PRKG1: variants seen among roughly 807,000 people sequenced by gnomAD.
The protein encoded by PRKG1 is cGMP-dependent protein kinase 1.
A neutral mutation model predicts 88.1 loss-of-function variants in PRKG1; 35 were observed. That is an observed-to-expected ratio of 0.40 (90% CI 0.30 to 0.53). The LOEUF is 0.53. Among genes scored for constraint, PRKG1 ranks in the 20% least tolerant of loss-of-function variants. The probability of loss-of-function intolerance (pLI) is 0.59; values close to 1 mark genes in which losing one functional copy is unlikely to be tolerated. For missense variants in PRKG1, 540 were observed against 839.8 expected, an observed-to-expected ratio of 0.64 and a Z score of 4.41; for synonymous variants, 303 against 292.5, an observed-to-expected ratio of 1.04 and a Z score of -0.37.
At chr10:52,240,088 A>G (rs1408279614) in intron 9 of PRKG1, among the ~76,000 whole-genome samples, 2 of 152,198 alleles carry the variant, frequency 1.3e-5, no homozygotes, top group Admixed American at 1.3e-4. Context: ...AGTTATGAAG[A>G]AGATCACAAT....
intron 4 of PRKG1, among the ~76,000 whole-genome samples, chr10:51,862,625 C>T (rs1840911679): frequency 6.6e-6 from 1 of 152,018 alleles, no homozygotes; most frequent in Admixed American, 6.6e-5. Context: ...AAAAAAGCAC[C>T]ATTCAATTGG....
At chr10:51,134,099 T>C (rs1845635192) in intron 1 of PRKG1, among the ~76,000 whole-genome samples, 2 of 152,240 alleles carry the variant, frequency 1.3e-5, no homozygotes, top group African/African-American at 2.4e-5. Flanking sequence ...TGTTAATTGA[T>C]TCTAATATCC....
At chr10:51,959,266 A>C (rs1020792955) in intron 5 of PRKG1, among the ~76,000 whole-genome samples, 3 of 152,184 alleles carry the variant, frequency 2.0e-5, no homozygotes, top group Non-Finnish European at 2.9e-5. Context: ...ATTAATCATC[A>C]TTTTACGATA....
At chr10:51,888,738 G>T (rs1365000792) in intron 4 of PRKG1, among the ~76,000 whole-genome samples, 3 of 152,160 alleles carry the variant, frequency 2.0e-5, no homozygotes, top group Non-Finnish European at 4.4e-5. Context: ...ATACAGAACA[G>T]TGAAGTTACT....
At chr10:51,598,383 C>T (rs769110199) in intron 3 of PRKG1, among the ~76,000 whole-genome samples, 1 of 152,158 alleles carries the variant, frequency 6.6e-6, no homozygotes, top group Non-Finnish European at 1.5e-5. Context: ...AAGAGATTCT[C>T]CTGCCTTAGC....
At chr10:51,057,776 G>T (rs1355239891) in intron 1 of PRKG1, among the ~76,000 whole-genome samples, 1 of 152,056 alleles carries the variant, frequency 6.6e-6, no homozygotes, top group Non-Finnish European at 1.5e-5. Context: ...ATGGACATTT[G>T]TGCTATTGCC....
Position 52,142,798 on chromosome 10 carries a change from T to C in PRKG1, c.1001+8893T>C, listed in dbSNP as rs181047439. On this transcript the variant is annotated intron_variant, in intron 8 of 17. Transcript: ENST00000373980. Reference sequence around the variant, plus strand: ...GCTTTGGTTCGCCTGTTGATTTTCATTGTACCGTCCTTTTACTTGCCATAC... The same window carrying C: ...GCTTTGGTTCGCCTGTTGATTTTCACTGTACCGTCCTTTTACTTGCCATAC... Among the ~76,000 whole-genome samples, 143 of 152,306 alleles carry C rather than the reference T, an allele frequency of 9.4e-4. 1 individual carries two copies. Among genetic ancestry groups the C allele is most frequent in the African/African-American group, 3.4e-3 (142 of 41,568 alleles).
chr10:51,893,016 T>C (rs992548358), intron 4 of PRKG1, among the ~76,000 whole-genome samples: 4 of 152,214 alleles, frequency 2.6e-5, no homozygotes, highest in Non-Finnish European at 5.9e-5. Flanking sequence ...GCATATGCAA[T>C]TGTAAAACTT....
In PRKG1 at chr10:51,356,084, G is replaced by T. The variant is rs557968333; in HGVS notation, c.479-111639G>T. Among the ~76,000 whole-genome samples the T allele has an allele frequency of 3.4e-4, 51 of 151,978 alleles. No individual in the cohort carries two copies. In the South Asian group the frequency reaches 0.01, roughly 31 times the overall value. On this transcript the variant is annotated intron_variant, in intron 2 of 17. Coordinates refer to ENST00000373980, the MANE Select transcript of PRKG1 (RefSeq NM_006258.4). The stretch of plus-strand genomic sequence containing the variant: ...TCCCATCATAGAATTCACCTTATTA[G>T]GCAAAAGCTGCATGGTGCACACCTC...
intron 9 of PRKG1, among the ~76,000 whole-genome samples, chr10:52,239,521 T>TAAAAAAAAA: frequency 1.9e-4 from 11 of 56,738 alleles, no homozygotes; most frequent in African/African-American, 4.0e-4. Flanking sequence ...TTCTACAGTG[T>TAAAAAAAAA]AAAAAAAAAA....
intron 4 of PRKG1, among the ~76,000 whole-genome samples, chr10:51,808,477 C>A (rs1235897163): frequency 6.6e-6 from 1 of 152,044 alleles, no homozygotes; most frequent in East Asian, 1.9e-4. Context: ...GTGGCATGTG[C>A]CTGTGGTACC....
chr10:52,077,644 C>CTA (rs1344675758), intron 7 of PRKG1, among the ~76,000 whole-genome samples: 11 of 152,100 alleles, frequency 7.2e-5, no homozygotes, highest in African/African-American at 2.4e-4. Context: ...TTAAAACTCA[C>CTA]TAGACAGTCG....
At chr10:51,227,830 G>C (rs557376417) in intron 2 of PRKG1, among the ~76,000 whole-genome samples, 2 of 152,192 alleles carry the variant, frequency 1.3e-5, no homozygotes, top group East Asian at 3.8e-4. Flanking sequence ...GCAAGAAAGA[G>C]TGGCACAAAA....
chr10:51,146,665 G>A (rs542403109), intron 1 of PRKG1, among the ~76,000 whole-genome samples: 27 of 152,208 alleles, frequency 1.8e-4, no homozygotes, highest in African/African-American at 6.5e-4. Context: ...ATGTCCTGAA[G>A]CAATTCCCCT....
chr10:51,613,212 G>C (rs1838957947), intron 3 of PRKG1, among the ~76,000 whole-genome samples: 1 of 151,894 alleles, frequency 6.6e-6, no homozygotes, highest in Non-Finnish European at 1.5e-5. Flanking sequence ...CTATTGGTCT[G>C]TTCAAATTTT....
intron 3 of PRKG1, among the ~76,000 whole-genome samples, chr10:51,783,092 A>G (rs1490192733): frequency 6.6e-6 from 1 of 152,110 alleles, no homozygotes; most frequent in Non-Finnish European, 1.5e-5. Flanking sequence ...TTAGAAAAAA[A>G]CAAAATAAAA....
chr10:51,239,969 A>T (rs577355522), intron 2 of PRKG1, among the ~76,000 whole-genome samples: 1 of 152,230 alleles, frequency 6.6e-6, no homozygotes, highest in Non-Finnish European at 1.5e-5. Flanking sequence ...AATACTGGCT[A>T]TCAGTAATTG....
chr10:51,603,160 G>A (rs1041857343), intron 3 of PRKG1, among the ~76,000 whole-genome samples: 1 of 152,042 alleles, frequency 6.6e-6, no homozygotes, highest in African/African-American at 2.4e-5. Flanking sequence ...GTTTCACCAT[G>A]TTGGCCAGGC....
chr10:51,168,527 C>T (rs898587963), intron 2 of PRKG1, among the ~76,000 whole-genome samples: 9 of 152,068 alleles, frequency 5.9e-5, no homozygotes, highest in South Asian at 2.1e-4. Flanking sequence ...AAGTAACCCA[C>T]GTAATCAAAA....
Sources: allele counts gnomAD v4.1 joint callset (sites outside exome capture counted in the v4.1 genomes callset), GRCh38; gene constraint gnomAD v4.1.1; transcripts MANE v1.5; gene names NCBI Gene and HGNC (gene_info 2026-07-23, HGNC 2026-07-21).